The following CSMD3 variants were observed in gnomAD, a reference collection of about 807,000 sequenced individuals.
The protein encoded by CSMD3 is CUB and Sushi multiple domains 3, also known as CUB and sushi domain-containing protein 3.
CSMD3 carries 177 observed loss-of-function variants against 435.2 expected under a neutral mutation model. That is an observed-to-expected ratio of 0.41 (90% CI 0.36 to 0.46). The LOEUF (loss-of-function observed/expected upper bound fraction) is 0.46. Among genes scored for constraint, CSMD3 ranks in the 20% least tolerant of loss-of-function variants. The pLI, the probability that CSMD3 is intolerant of heterozygous loss-of-function variation, is 0.34. For synonymous variants in CSMD3, 1,656 were observed against 1,520.5 expected, an observed-to-expected ratio of 1.09 and a Z score of -2.07; for missense variants, 4,265 against 4,504.6, an observed-to-expected ratio of 0.95 and a Z score of 1.52.
intron 32 of CSMD3, among the ~76,000 whole-genome samples, chr8:112,413,161 T>C (rs1811533699): frequency 6.6e-6 from 1 of 152,178 alleles, no homozygotes; most frequent in Non-Finnish European, 1.5e-5. Flanking sequence ...CTATAACCTT[T>C]ATCCCAATTT....
intron 59 of CSMD3, among the ~76,000 whole-genome samples, chr8:112,267,474 T>C (rs528371347): frequency 7.4e-4 from 113 of 152,226 alleles, no homozygotes; most frequent in African/African-American, 2.6e-3. Flanking sequence ...TCTCTTTTTA[T>C]AGTTTAAAAA....
chr8:113,432,715 A>G (rs2094682372), intron 1 of CSMD3, among the ~76,000 whole-genome samples: 1 of 151,076 alleles, frequency 6.6e-6, no homozygotes, highest in South Asian at 2.1e-4. Flanking sequence ...AAGTTATTTG[A>G]GTGAGGACAG....
chr8:112,430,307 C>T (rs1813523548), intron 32 of CSMD3, among the ~76,000 whole-genome samples: 1 of 151,866 alleles, frequency 6.6e-6, no homozygotes, highest in African/African-American at 2.4e-5. Context: ...TATTACCAAC[C>T]CCCAGAAACT....
chr8:113,032,745 A>G (rs1260132231), intron 5 of CSMD3, among the ~76,000 whole-genome samples: 1 of 151,610 alleles, frequency 6.6e-6, no homozygotes, highest in Non-Finnish European at 1.5e-5. Context: ...CTGAATGTTA[A>G]TAGCCAAGAC....
At chr8:112,632,629 G>T (rs2074547009) in intron 22 of CSMD3, among the ~76,000 whole-genome samples, 1 of 151,888 alleles carries the variant, frequency 6.6e-6, no homozygotes, top group South Asian at 2.1e-4. Flanking sequence ...TTGGTTCCTG[G>T]TATATTTGGA....
intron 4 of CSMD3, among the ~76,000 whole-genome samples, chr8:113,123,151 T>C (rs888369433): frequency 6.6e-6 from 1 of 152,096 alleles, no homozygotes; most frequent in South Asian, 2.1e-4. Flanking sequence ...GTGGCCTCTG[T>C]AGGTAATAAC....
intron 45 of CSMD3, among the ~76,000 whole-genome samples, chr8:112,321,294 A>G (rs184223710): frequency 6.1e-4 from 93 of 152,294 alleles, no homozygotes; most frequent in African/African-American, 2.1e-3. Context: ...GGACATAGCC[A>G]AAAACTGAAG....
intron 4 of CSMD3, among the ~76,000 whole-genome samples, chr8:113,165,720 G>T (rs2092136435): frequency 6.6e-6 from 1 of 151,974 alleles, no homozygotes; most frequent in African/African-American, 2.4e-5. Context: ...CAAAGAAAAT[G>T]GATTAGTTTA....
chr8:113,158,652 T>C (rs2091980162), intron 4 of CSMD3, among the ~76,000 whole-genome samples: 1 of 151,964 alleles, frequency 6.6e-6, no homozygotes, highest in African/African-American at 2.4e-5. Context: ...AACTATCCAC[T>C]TTGGGAACAG....
chr8:112,899,597 TTTTA>T lies in CSMD3; in HGVS notation c.1633+22026_1633+22029del, dbSNP rs1436941708. Among the ~76,000 whole-genome samples, 4 of 58,942 alleles carry T rather than the reference TTTTA, an allele frequency of 6.8e-5. No individual in the cohort carries two copies. In the Admixed American group the frequency reaches 1.1e-3, roughly 16 times the overall value. 38.7% of individuals were successfully genotyped at this position (58,942 alleles called of 152,430 possible). On this transcript the variant is annotated intron_variant, in intron 10 of 70. Coordinates refer to ENST00000297405, the MANE Select transcript of CSMD3 (RefSeq NM_198123.2). ...CCTAACCCAAAATTTTGCTTGTCTA[TTTTA>T]TATATATATATATATATATATATAT...
At chr8:112,558,035 G>A (rs148167319) in intron 24 of CSMD3, among the ~76,000 whole-genome samples, 5 of 151,910 alleles carry the variant, frequency 3.3e-5, no homozygotes, top group African/African-American at 1.2e-4. Context: ...ACATCAAGTC[G>A]GTTTCAAGTG....
intron 3 of CSMD3, among the ~76,000 whole-genome samples, chr8:113,225,162 C>A (rs1282550145): frequency 6.6e-6 from 1 of 151,244 alleles, no homozygotes; most frequent in African/African-American, 2.4e-5. Flanking sequence ...GTGTTGTTAC[C>A]TAACGTCCTA....
chr8:112,246,121 GA>G (rs11294550), intron 64 of CSMD3, among the ~76,000 whole-genome samples: 64,682 of 151,978 alleles, frequency 0.43, 15,760 homozygotes, highest in African/African-American at 0.68. Context: ...CTCCTTTAAG[GA>G]ATTTTCCATA....
At chr8:113,170,250 T>C (rs1430835166) in intron 4 of CSMD3, among the ~76,000 whole-genome samples, 2 of 151,712 alleles carry the variant, frequency 1.3e-5, no homozygotes, top group South Asian at 4.2e-4. Context: ...GAATGACAAC[T>C]ACACACACTG....
chr8:113,340,035 CTT>C (rs2094107433), intron 1 of CSMD3, among the ~76,000 whole-genome samples: 1 of 151,812 alleles, frequency 6.6e-6, no homozygotes, highest in South Asian at 2.1e-4. Flanking sequence ...ATAGTCTTTA[CTT>C]AACTTTGAAG....
At chr8:112,432,171 A>G (rs1314328827) in intron 32 of CSMD3, among the ~76,000 whole-genome samples, 1 of 152,118 alleles carries the variant, frequency 6.6e-6, no homozygotes, top group Non-Finnish European at 1.5e-5. Context: ...AGACTATTCC[A>G]TATGTTAATA....
chr8:112,502,349 T>G, intron 30 of CSMD3, among the ~76,000 whole-genome samples: 1 of 152,202 alleles, frequency 6.6e-6, no homozygotes, highest in East Asian at 1.9e-4. Flanking sequence ...ATTTTCCTAC[T>G]AACAAGGCCA....
At chr8:112,443,892 C>G (rs902504494) in intron 32 of CSMD3, among the ~76,000 whole-genome samples, 1 of 151,980 alleles carries the variant, frequency 6.6e-6, no homozygotes, top group Non-Finnish European at 1.5e-5. Flanking sequence ...ATGTGTCAGA[C>G]CCTGCATCAT....
rs1447970295 is a variant in CSMD3 at position 113,230,129 on chromosome 8, T to TTA, written c.514+48462_514+48463insTA. 6.6e-3 allele frequency among the ~76,000 whole-genome samples: 995 copies of TTA among 151,788 alleles called. 11 individuals are homozygous for TTA. Among genetic ancestry groups the TTA allele is most frequent in the African/African-American group, 0.022 (896 of 41,504 alleles). ...TTTGGTTTCTGATGTTTTAAGTTAA[T>TTA]ACATGGATAGAAATTAAGGACTAGC... On this transcript the variant is annotated intron_variant, in intron 3 of 70. Coordinates refer to ENST00000297405, the MANE Select transcript of CSMD3 (RefSeq NM_198123.2).
Sources: allele counts gnomAD v4.1 joint callset (sites outside exome capture counted in the v4.1 genomes callset), GRCh38; gene constraint gnomAD v4.1.1; transcripts MANE v1.5; gene names NCBI Gene and HGNC (gene_info 2026-07-23, HGNC 2026-07-21).